RET: variants seen among roughly 807,000 people sequenced by gnomAD.
RET encodes the protein ret proto-oncogene.
A neutral mutation model predicts 118.3 loss-of-function variants in RET; 19 were observed. The ratio of observed to expected loss-of-function variants is 0.16; its 90% confidence interval spans 0.11 to 0.24. The LOEUF is 0.24. Ranked by LOEUF, RET falls within the 10% of genes least tolerant of loss-of-function variation. The pLI is 1.00. For missense variants in RET, 1,219 were observed against 1,502.1 expected (o/e 0.81, Z 3.12); for synonymous variants, 597 against 644.1 (o/e 0.93, Z 1.11).
chr10:43,112,320 G>A (rs2132804419), intron 8 of RET, 96 bp downstream of exon 8: 2 of 1,517,092 alleles, frequency 1.3e-6, no homozygotes, highest in East Asian at 2.5e-5. Flanking sequence ...GGCTCTCCCT[G>A]CTCCAGGTCT....
At chr10:43,108,962 A>G (rs1403731612) in intron 5 of RET, 69 bp from the exon 6 acceptor site, 5 of 1,450,976 alleles carry the variant, frequency 3.4e-6, no homozygotes, top group Non-Finnish European at 4.8e-6. Context: ...TGTGTCTGGG[A>G]AGAGGTGTGC....
chr10:43,106,372 G>A lies in RET; in HGVS notation c.868-4G>A, dbSNP rs1414580503. ...CACTGACCAACGCCCTCTGCATCCT[G>A]CAGGACACCGTGGTGGCCACGCTGC... On this transcript the variant is annotated splice_region_variant and splice_polypyrimidine_tract_variant and intron_variant, in intron 4 of 19. Coordinates refer to ENST00000355710, the MANE Select transcript of RET (RefSeq NM_020975.6). This position sits in a 1 kb window ranked among gnomAD's most constrained non-coding sequence, Gnocchi z 5.1. 1.9e-6 allele frequency: 3 copies of A among 1,609,068 alleles called. No homozygotes were observed. The East Asian group carries it at 6.7e-5, about 36-fold the overall frequency.
Position 43,084,989 on chromosome 10 carries a change from G to A in RET, c.73+7658G>A, listed in dbSNP as rs150969124. 3.9e-5 allele frequency among the ~76,000 whole-genome samples: 6 copies of A among 152,306 alleles called. No individual in the cohort carries two copies. The East Asian group carries it at 5.8e-4, about 15-fold the overall frequency. On this transcript the variant is annotated intron_variant, in intron 1 of 19. Coordinates refer to ENST00000355710, the MANE Select transcript of RET (RefSeq NM_020975.6). ...AATAACCAGGCTGATAATCGGATCC[G>A]CTGTAAGTTGATTATCATCATTGCC...
At chr10:43,122,120 C>T (rs1265231641) in intron 16 of RET, 104 bp downstream of exon 16, 2 of 906,292 alleles carry the variant, frequency 2.2e-6, no homozygotes, top group Non-Finnish European at 3.7e-6. Flanking sequence ...GGGAATTGCA[C>T]TGGCCCTGAG....
At chr10:43,081,871 A>G (rs947652057) in intron 1 of RET, among the ~76,000 whole-genome samples, 4 of 152,178 alleles carry the variant, frequency 2.6e-5, no homozygotes, top group Non-Finnish European at 5.9e-5. Context: ...TGTACCTCTC[A>G]TAGGAGAACT....
At chr10:43,099,011 G>A (rs961324067) in intron 1 of RET, among the ~76,000 whole-genome samples, 2 of 152,176 alleles carry the variant, frequency 1.3e-5, no homozygotes, top group East Asian at 1.9e-4. Flanking sequence ...CATTTTCACC[G>A]ACAATGTACA....
intron 5 of RET, among the ~76,000 whole-genome samples, chr10:43,107,228 G>A (rs1837801847): frequency 6.6e-6 from 1 of 152,104 alleles, no homozygotes. Context: ...GCCTGGCCTG[G>A]TCCTGTTCAT....
At chr10:43,078,790 G>C in intron 1 of RET, among the ~76,000 whole-genome samples, 1 of 152,310 alleles carries the variant, frequency 6.6e-6, no homozygotes, top group African/African-American at 2.4e-5. Context: ...GTGGCACTCA[G>C]CAGGCATGCA....
In RET at chr10:43,114,483, C is replaced by T. The variant is rs905507912; in HGVS notation, c.1883C>T (p.Pro628Leu). The T allele has an allele frequency of 6.2e-7, 1 of 1,606,386 alleles. No homozygotes were observed. Among genetic ancestry groups the T allele is most frequent in the African/African-American group, 1.3e-5 (1 of 74,892 alleles). The change falls in exon 11 of 20, where the codon CCA (proline) becomes CTA (leucine). Residue 628 changes from proline to leucine, a missense_variant. Pro to Leu is a moderately conservative substitution (Grantham distance 98, BLOSUM62 -3). Transcript: ENST00000355710. The surrounding 1 kb of genome is among the most constrained non-coding windows in gnomAD (Gnocchi z 4.6). ...CTCACACCACCCCCACCCACAGATC[C>T]ACTGTGCGACGAGCTGTGCCGCACG... is the stretch of plus-strand genomic sequence containing the variant. The part of the protein sequence containing the change: ...CFCEPEDIQD[P>L]LCDELCRTVI...
intron 18 of RET, among the ~76,000 whole-genome samples, chr10:43,126,094 T>C (rs904593594): frequency 6.6e-6 from 1 of 152,204 alleles, no homozygotes; most frequent in Admixed American, 6.5e-5. Flanking sequence ...CGTGACGTTC[T>C]AGATGGCAGG....
chr10:43,116,861 A>AC, intron 12 of RET, 130 bp downstream of exon 12: 1 of 1,187,420 alleles, frequency 8.4e-7, no homozygotes, highest in Non-Finnish European at 1.2e-6. Context: ...CAGTTGGGGG[A>AC]CCCCTACCAT....
At chr10:43,124,810 T>A in intron 17 of RET, 73 bp from the exon 18 acceptor site, 3 of 1,442,942 alleles carry the variant, frequency 2.1e-6, no homozygotes, top group Non-Finnish European at 2.9e-6. Flanking sequence ...CAGGGTGCGA[T>A]GGCTGTGGTG....
rs1838418792 is a variant in RET, at chr10:43,130,319, T to A, written c.*2050T>A. On this transcript the variant is annotated 3_prime_UTR_variant, in exon 20 of 20. Coordinates refer to ENST00000355710, the MANE Select transcript of RET (RefSeq NM_020975.6). The stretch of plus-strand genomic sequence containing the variant: ...TTTGTAATCAAGGTGACTAAGAAAA[T>A]CAGTTGTGTAAATAAAATCATGTAT... 3.1e-6 allele frequency: 1 copy of A among 318,628 alleles called. No homozygotes were observed. The highest frequency in any genetic ancestry group is 1.6e-4 in the South Asian group (1 of 6,286). The allele number at this position is 318,628 out of a possible 1,614,324, so 19.7% of individuals were successfully genotyped here. A position where few individuals can be genotyped will look rare whatever the true frequency, so the allele number is the denominator to read the frequency against.
chr10:43,112,418 T>C (rs1837962225), intron 8 of RET, among the ~76,000 whole-genome samples, 194 bp downstream of exon 8: 1 of 152,108 alleles, frequency 6.6e-6, no homozygotes, highest in African/African-American at 2.4e-5. Context: ...GTGAGTACAG[T>C]GAATGGTCCC....
intron 1 of RET, among the ~76,000 whole-genome samples, chr10:43,090,392 G>A (rs777286781): frequency 3.9e-5 from 6 of 152,208 alleles, no homozygotes; most frequent in African/African-American, 7.2e-5. Context: ...AGGAGGAGGC[G>A]TGGCAAAGGG....
chr10:43,080,882 C>A (rs1037707209), intron 1 of RET, among the ~76,000 whole-genome samples: 2 of 152,186 alleles, frequency 1.3e-5, no homozygotes, highest in East Asian at 3.8e-4. Flanking sequence ...GGCTGGGACA[C>A]CAGGCTGTGG....
At chr10:43,097,612 A>C (rs1837548256) in intron 1 of RET, among the ~76,000 whole-genome samples, 1 of 152,028 alleles carries the variant, frequency 6.6e-6, no homozygotes, top group Admixed American at 6.5e-5. Context: ...ACAATCTCTC[A>C]CCCTCTGTCG....
In RET at chr10:43,121,993, T is replaced by C; in HGVS notation, c.2778T>C (p.His926=). The part of the protein sequence containing the change: ...KWMAIESLFD[H]IYTTQSDVWS... ...TGGCAATTGAATCCCTTTTTGATCA[T>C]ATCTACACCACGCAAAGTGATGTGT... Residue 926 remains histidine (H), a synonymous_variant, in exon 16 of 20, where the codon CAT becomes CAC. Transcript: ENST00000355710. 1 of 1,612,786 alleles carries C rather than the reference T, an allele frequency of 6.2e-7. No individual in the cohort carries two copies. The highest frequency in any genetic ancestry group is 1.3e-5 in the African/African-American group (1 of 74,778).
chr10:43,087,624 G>T (rs1367595540), intron 1 of RET, among the ~76,000 whole-genome samples: 1 of 152,240 alleles, frequency 6.6e-6, no homozygotes, highest in African/African-American at 2.4e-5. Context: ...GGCTGATGCA[G>T]TGTGCTCCCG....
Sources: allele counts gnomAD v4.1 joint callset (sites outside exome capture counted in the v4.1 genomes callset), GRCh38; gene constraint gnomAD v4.1.1; non-coding constraint Gnocchi (gnomAD v3.1); transcripts MANE v1.5; gene names NCBI Gene and HGNC (gene_info 2026-07-23, HGNC 2026-07-21).